Variants in CHN2 observed in about 807,000 individuals in gnomAD.
CHN2 encodes the protein beta-chimaerin.
In CHN2, 35 loss-of-function variants were observed where a neutral mutation model predicts 56.3. The ratio of observed to expected loss-of-function variants is 0.62; its 90% CI spans 0.47 to 0.82. The LOEUF is 0.82. Ranked by LOEUF, CHN2 falls within the 40% of genes least tolerant of loss-of-function variation. The pLI, the probability that CHN2 is intolerant of heterozygous loss-of-function variation, is 0.00. For missense variants in CHN2, 491 were observed against 580.5 expected, an observed-to-expected ratio of 0.85 and a Z score of 1.58; for synonymous variants, 210 against 212.8, an observed-to-expected ratio of 0.99 and a Z score of 0.12.
intron 1 of CHN2, among the ~76,000 whole-genome samples, chr7:29,230,101 T>A (rs770819778): frequency 6.6e-6 from 1 of 152,232 alleles, no homozygotes; most frequent in Non-Finnish European, 1.5e-5. Context: ...ATAGTGACTG[T>A]GTGGCCTGGA....
intron 1 of CHN2, among the ~76,000 whole-genome samples, chr7:29,277,401 C>T (rs1317220134): frequency 6.6e-6 from 1 of 152,156 alleles, no homozygotes; most frequent in Non-Finnish European, 1.5e-5. Context: ...GAAGGCAGGA[C>T]AAAGGTAGGC....
Position 29,356,164 on chromosome 7 carries a change from A to G in CHN2, c.88+1501A>G, listed in dbSNP as rs550448022. Among the ~76,000 whole-genome samples the G allele has an allele frequency of 3.9e-5, 6 of 152,226 alleles. No homozygotes were observed. In the East Asian group the frequency reaches 1.2e-3, roughly 29 times the overall value. On this transcript the variant is annotated intron_variant, in intron 2 of 12. Coordinates refer to ENST00000222792, the MANE Select transcript of CHN2 (RefSeq NM_004067.4). Reference sequence around the variant, plus strand: ...TAAGTAACTTGGTGAAGTTTTCACAAAAATTAGTGGGGTAGCATTCTGAGT... The same window carrying G: ...TAAGTAACTTGGTGAAGTTTTCACAGAAATTAGTGGGGTAGCATTCTGAGT...
At chr7:29,208,676 C>T (rs1488392623) in intron 1 of CHN2, 1 of 152,330 alleles carries the variant, frequency 6.6e-6, no homozygotes, top group Non-Finnish European at 1.5e-5. Context: ...TCAAACTTTT[C>T]TCATGCTAAC....
chr7:29,198,154 G>C (rs1472355851), intron 1 of CHN2, among the ~76,000 whole-genome samples: 1 of 152,194 alleles, frequency 6.6e-6, no homozygotes, highest in East Asian at 1.9e-4. Flanking sequence ...GGAAGCCGTA[G>C]GACATTTGGG....
chr7:29,268,507 T>C (rs953082395), intron 1 of CHN2, among the ~76,000 whole-genome samples: 1 of 144,392 alleles, frequency 6.9e-6, no homozygotes, highest in Non-Finnish European at 1.5e-5. Flanking sequence ...CGGATGCTTC[T>C]GCACCAATTC....
intron 2 of CHN2, among the ~76,000 whole-genome samples, chr7:29,159,915 C>T (rs35826549): frequency 6.6e-6 from 1 of 152,028 alleles, no homozygotes; most frequent in Non-Finnish European, 1.5e-5. Flanking sequence ...TGTGGAAGGA[C>T]GTAATTAATT....
At position 29,195,002 on chromosome 7, in the gene CHN2, C is replaced by T; in HGVS notation, c.49+12C>T. ...GTCGGTGTCCTCCGGTGAGTTTCAG[C>T]CCGTCGGGCGCTGCTGCCGCGCCGG... On this transcript the variant is annotated intron_variant, in intron 1 of 12. Coordinates refer to ENST00000222792, the MANE Select transcript of CHN2 (RefSeq NM_004067.4). The T allele has an allele frequency of 6.3e-7, 1 of 1,584,396 alleles. No homozygotes were observed.
intron 1 of CHN2, among the ~76,000 whole-genome samples, chr7:29,206,703 G>A (rs1784546091): frequency 6.6e-6 from 1 of 152,216 alleles, no homozygotes; most frequent in Non-Finnish European, 1.5e-5. Flanking sequence ...CATTTCAGGA[G>A]TGAATAGTGA....
chr7:29,233,071 G>A (rs1251619735), intron 1 of CHN2, among the ~76,000 whole-genome samples: 1 of 152,112 alleles, frequency 6.6e-6, no homozygotes, highest in Non-Finnish European at 1.5e-5. Context: ...TGTCATACTA[G>A]AGAACAAACT....
chr7:29,281,658 A>G (rs765616198), intron 1 of CHN2, among the ~76,000 whole-genome samples: 2 of 147,620 alleles, frequency 1.4e-5, no homozygotes, highest in Non-Finnish European at 3.0e-5. Flanking sequence ...AAATGGGTCA[A>G]CATATCCAAA....
intron 6 of CHN2, among the ~76,000 whole-genome samples, chr7:29,461,456 CATACAA>C (rs961388206): frequency 2.0e-5 from 3 of 152,174 alleles, no homozygotes; most frequent in African/African-American, 4.8e-5. Context: ...ATTTTATACA[CATACAA>C]ACTCAAAATT....
intron 1 of CHN2, among the ~76,000 whole-genome samples, chr7:29,298,569 C>G (rs931107879): frequency 1.3e-5 from 2 of 152,146 alleles, no homozygotes; most frequent in African/African-American, 4.8e-5. Context: ...GGTTAGCTCC[C>G]TTGCTTTCAT....
chr7:29,469,553 T>C (rs10258578), intron 6 of CHN2, among the ~76,000 whole-genome samples: 106,268 of 152,010 alleles, frequency 0.7, 37,588 homozygotes, highest in African/African-American at 0.81. Context: ...TTGCTCCTAT[T>C]TCATGGCCTT....
chr7:29,203,467 CAAA>C (rs11287820), intron 1 of CHN2, among the ~76,000 whole-genome samples: 1,514 of 55,244 alleles, frequency 0.027, 2 homozygotes, highest in Non-Finnish European at 0.04. Flanking sequence ...AACTCCGTCT[CAAA>C]AAAAAAAAAA....
intron 1 of CHN2, among the ~76,000 whole-genome samples, chr7:29,321,148 A>C (rs1795311197): frequency 6.6e-6 from 1 of 152,248 alleles, no homozygotes; most frequent in Admixed American, 6.5e-5. Context: ...ATTTTTTCAG[A>C]AATTAAGATT....
intron 1 of CHN2, among the ~76,000 whole-genome samples, chr7:29,293,366 C>A (rs917151475): frequency 2.3e-5 from 2 of 87,464 alleles, no homozygotes; most frequent in Non-Finnish European, 4.9e-5. Context: ...GCTAATGCCC[C>A]CCCCCCCCCC....
chr7:29,506,812 A>G (rs566643549), intron 10 of CHN2, among the ~76,000 whole-genome samples: 4 of 152,318 alleles, frequency 2.6e-5, no homozygotes, highest in Admixed American at 6.5e-5. Context: ...TTCAACAATC[A>G]TTTTGTGAAC....
chr7:29,506,185 G>A (rs4354223), intron 10 of CHN2, among the ~76,000 whole-genome samples: 34,173 of 152,070 alleles, frequency 0.22, 4,125 homozygotes, highest in Middle Eastern at 0.29. Flanking sequence ...GGCCAGGCAC[G>A]GTGGCTAGGC....
chr7:29,264,286 C>A (rs1789921499), intron 1 of CHN2, among the ~76,000 whole-genome samples: 1 of 152,058 alleles, frequency 6.6e-6, no homozygotes, highest in South Asian at 2.1e-4. Flanking sequence ...AGCCCCTCTG[C>A]CCGGCCGTAA....
Sources: gnomAD v4.1 joint callset for allele counts (sites outside exome capture counted in the v4.1 genomes callset) on GRCh38, gnomAD v4.1.1 for gene constraint, MANE v1.5 for transcripts, NCBI Gene and HGNC (gene_info 2026-07-23, HGNC 2026-07-21) for gene names.